The following ACTR3 variants were observed in gnomAD, a reference collection of about 807,000 sequenced individuals.
The protein encoded by ACTR3 is actin related protein 3, also known as actin-related protein 3.
ACTR3 carries 12 observed loss-of-function variants against 56.8 expected under a neutral mutation model. The ratio of observed to expected loss-of-function variants is 0.21; its 90% confidence interval spans 0.14 to 0.34. ACTR3 has a LOEUF of 0.34. Ranked by LOEUF, ACTR3 falls within the 10% of genes least tolerant of loss-of-function variation. The pLI is 1.00. For synonymous variants in ACTR3, 162 were observed against 167.4 expected (o/e 0.97, Z 0.25); for missense variants, 282 against 512.5 (o/e 0.55, Z 4.34).
chr2:113,890,633 G>T, intron 1 of ACTR3: 1 of 1,276,348 alleles, frequency 7.8e-7, no homozygotes, highest in South Asian at 2.3e-5. Context: ...GGGCGCTGGG[G>T]ACGGTCGTCT....
intron 6 of ACTR3, among the ~76,000 whole-genome samples, chr2:113,939,729 T>C (rs1381304400): frequency 6.6e-6 from 1 of 152,084 alleles, no homozygotes; most frequent in Non-Finnish European, 1.5e-5. Flanking sequence ...TTCTATATTG[T>C]TGAGTTATTT....
intron 3 of ACTR3, among the ~76,000 whole-genome samples, chr2:113,922,098 A>G (rs1002435673): frequency 4.6e-5 from 7 of 152,184 alleles, no homozygotes; most frequent in African/African-American, 1.4e-4. Flanking sequence ...TTAGAAGAGT[A>G]GTTGGGCTAG....
At chr2:113,916,721 A>G (rs1239950282) in intron 2 of ACTR3, among the ~76,000 whole-genome samples, 163 bp from the exon 3 acceptor site, 1 of 152,164 alleles carries the variant, frequency 6.6e-6, no homozygotes, top group Non-Finnish European at 1.5e-5. Flanking sequence ...TGTGAAATGA[A>G]TTTTGTCACT....
rs372708529 is a variant in ACTR3, at chr2:113,901,027, TAA to T, written c.44+10707_44+10708del. 1.6e-4 allele frequency among the ~76,000 whole-genome samples: 24 copies of T among 152,354 alleles called. No homozygotes were observed. In the East Asian group the frequency reaches 4.2e-3, roughly 27 times the overall value. On this transcript the variant is annotated intron_variant, in intron 1 of 11. Transcript: ENST00000263238. The stretch of plus-strand genomic sequence containing the variant: ...TGAATCAGCCACTGCATTCTTGTTT[TAA>T]AAGTTTCTGGCTGGGCACGGTGGCT...
Position 113,962,044 on chromosome 2 carries a change from G to A in ACTR3, c.*4589G>A, listed in dbSNP as rs1680334733. The A allele has an allele frequency of 6.6e-6, 1 of 151,928 alleles. No homozygotes were observed. The highest frequency in any genetic ancestry group is 1.5e-5 in the Non-Finnish European group (1 of 67,888). 9.4% of individuals were successfully genotyped at this position (151,928 alleles called of 1,614,324 possible). A position where few individuals can be genotyped will look rare whatever the true frequency, so the allele number is the denominator to read the frequency against. On this transcript the variant is annotated 3_prime_UTR_variant, in exon 12 of 12. Coordinates refer to ENST00000263238, the MANE Select transcript of ACTR3 (RefSeq NM_005721.5). ...GTGGATGTGTTTGATGAATGAATGA[G>A]TAAAAATTATTTTTCATGTTAAAAT...
At chr2:113,894,659 G>A (rs1281561722) in intron 1 of ACTR3, among the ~76,000 whole-genome samples, 2 of 152,118 alleles carry the variant, frequency 1.3e-5, no homozygotes, top group Admixed American at 6.5e-5. Context: ...GAACTTTCAG[G>A]CTTATTGTAA....
chr2:113,958,341 CACA>C lies in ACTR3; in HGVS notation c.*890_*892del, dbSNP rs1425314516. 6.6e-6 allele frequency: 1 copy of C among 152,482 alleles called. No individual in the cohort carries two copies. Among genetic ancestry groups the C allele is most frequent in the Non-Finnish European group, 1.5e-5 (1 of 67,952 alleles). 9.4% of individuals were successfully genotyped at this position (152,482 alleles called of 1,614,324 possible). ...GACTTCTGCAATAGTTCTTTAAAATCACAACAGTTAGCAAGCTGACTTTTGTAA... is the reference window on the plus strand; with the variant it reads ...GACTTCTGCAATAGTTCTTTAAAATCACAGTTAGCAAGCTGACTTTTGTAA... On this transcript the variant is annotated 3_prime_UTR_variant, in exon 12 of 12. Transcript: ENST00000263238.
intron 3 of ACTR3, among the ~76,000 whole-genome samples, chr2:113,925,333 T>TCC (rs1679597932): frequency 6.6e-6 from 1 of 151,586 alleles, no homozygotes. Flanking sequence ...GTAGCTGGGA[T>TCC]TATAGGCATG....
chr2:113,890,777 T>TGGTA, intron 1 of ACTR3: 1 of 1,013,346 alleles, frequency 9.9e-7, no homozygotes, highest in Non-Finnish European at 1.2e-6. Flanking sequence ...GAAGCGCTCC[T>TGGTA]GGTAGGTTTG....
chr2:113,911,958 A>T (rs1679314697), intron 1 of ACTR3, among the ~76,000 whole-genome samples: 1 of 152,064 alleles, frequency 6.6e-6, no homozygotes, highest in Non-Finnish European at 1.5e-5. Context: ...GCTGGTCTCG[A>T]ACTCCTGTCC....
chr2:113,915,008 C>G (rs1435222857), intron 2 of ACTR3, among the ~76,000 whole-genome samples: 1 of 152,072 alleles, frequency 6.6e-6, no homozygotes, highest in African/African-American at 2.4e-5. Context: ...TGTTTTTTGT[C>G]TGTTATTAAG....
chr2:113,930,241 CT>C (rs1173770525), intron 4 of ACTR3, among the ~76,000 whole-genome samples: 2 of 152,036 alleles, frequency 1.3e-5, no homozygotes, highest in Non-Finnish European at 2.9e-5. Context: ...TATCTCCAGA[CT>C]TTTAAACATA....
chr2:113,933,677 A>ATTTTTTTTTTTTTTT (rs1167918809), intron 5 of ACTR3, among the ~76,000 whole-genome samples: 1 of 123,850 alleles, frequency 8.1e-6, no homozygotes, highest in African/African-American at 3.5e-5. Flanking sequence ...GTTCTATACA[A>ATTTTTTTTTTTTTTT]TTTTTTTTTT....
At chr2:113,949,537 T>A (rs941644662) in intron 8 of ACTR3, among the ~76,000 whole-genome samples, 14 of 152,072 alleles carry the variant, frequency 9.2e-5, no homozygotes, top group African/African-American at 3.4e-4. Context: ...ACAATACTTG[T>A]TTGTTTTTCA....
intron 1 of ACTR3, among the ~76,000 whole-genome samples, chr2:113,910,545 G>T (rs565670758): frequency 1.3e-5 from 2 of 152,246 alleles, no homozygotes; most frequent in South Asian, 4.2e-4. Flanking sequence ...TCTGAAGAAG[G>T]GGGGCAGTCT....
chr2:113,931,996 G>GT (rs1347581638), intron 5 of ACTR3, among the ~76,000 whole-genome samples: 5 of 147,300 alleles, frequency 3.4e-5, no homozygotes, highest in East Asian at 2.0e-4. Flanking sequence ...TTTTGTTTCT[G>GT]TTTTTTGTGG....
At chr2:113,920,565 T>A (rs1466113694) in intron 3 of ACTR3, among the ~76,000 whole-genome samples, 1 of 152,218 alleles carries the variant, frequency 6.6e-6, no homozygotes, top group Non-Finnish European at 1.5e-5. Context: ...CATCATATAG[T>A]GCTATAGAAC....
chr2:113,933,074 A>G (rs1679752843), intron 5 of ACTR3, among the ~76,000 whole-genome samples: 2 of 152,206 alleles, frequency 1.3e-5, no homozygotes, highest in African/African-American at 2.4e-5. Context: ...TTAAAAAAGA[A>G]TTGTGTTGTA....
chr2:113,941,828 A>G (rs1679929259), intron 7 of ACTR3, among the ~76,000 whole-genome samples: 1 of 152,030 alleles, frequency 6.6e-6, no homozygotes, highest in Non-Finnish European at 1.5e-5. Flanking sequence ...TCAGTTCTGT[A>G]TTTTATTTAT....
Sources: gnomAD v4.1 joint callset for allele counts (sites outside exome capture counted in the v4.1 genomes callset) on GRCh38, gnomAD v4.1.1 for gene constraint, MANE v1.5 for transcripts, NCBI Gene and HGNC (gene_info 2026-07-23, HGNC 2026-07-21) for gene names.